Variants in MYO18B observed in about 807,000 individuals in gnomAD.
MYO18B encodes the protein unconventional myosin-XVIIIb.
MYO18B carries 204 observed loss-of-function variants against 273.0 expected under a neutral mutation model. That is an observed-to-expected ratio of 0.75 (90% CI 0.67 to 0.84). The LOEUF is 0.84. Among genes scored for constraint, MYO18B ranks in the 40% least tolerant of loss-of-function variants. The probability of loss-of-function intolerance (pLI) is 0.00; values close to 1 mark genes in which losing one functional copy is unlikely to be tolerated. For synonymous variants in MYO18B, 1,330 were observed against 1,305.7 expected (o/e 1.02, Z -0.40); for missense variants, 3,212 against 3,287.6 (o/e 0.98, Z 0.56).
chr22:25,785,883 A>G (rs1167455068), intron 11 of MYO18B, among the ~76,000 whole-genome samples: 2 of 152,100 alleles, frequency 1.3e-5, no homozygotes, highest in Non-Finnish European at 2.9e-5. Context: ...AAATGACATG[A>G]TGTGTATAAC....
intron 34 of MYO18B, among the ~76,000 whole-genome samples, chr22:25,932,339 T>A (rs1351145861): frequency 1.3e-5 from 2 of 151,984 alleles, no homozygotes; most frequent in African/African-American, 4.8e-5. Context: ...ATAAAAATCC[T>A]TCCTTCCTTC....
intron 33 of MYO18B, among the ~76,000 whole-genome samples, 186 bp from the exon 34 acceptor site, chr22:25,921,071 G>T (rs1173401626): frequency 1.3e-5 from 2 of 152,240 alleles, no homozygotes; most frequent in African/African-American, 4.8e-5. Flanking sequence ...GCAGCCCAAT[G>T]TGGTTGGTGC....
intron 34 of MYO18B, among the ~76,000 whole-genome samples, chr22:25,924,431 G>A (rs2092391817): frequency 6.6e-6 from 1 of 152,338 alleles, no homozygotes; most frequent in African/African-American, 2.4e-5. Context: ...TGAGACAGCG[G>A]TGGTACCCAC....
intron 34 of MYO18B, among the ~76,000 whole-genome samples, chr22:25,936,689 T>C (rs2146532602): frequency 6.6e-6 from 1 of 152,352 alleles, no homozygotes; most frequent in South Asian, 2.1e-4. Flanking sequence ...TTATTTATTA[T>C]AGTTCTGGAG....
rs985274172 is a variant in MYO18B, at chr22:26,030,738, C to T, written c.*308C>T. 7.6e-6 allele frequency: 3 copies of T among 392,176 alleles called. No individual in the cohort carries two copies. The highest frequency in any genetic ancestry group is 6.2e-5 in the African/African-American group (3 of 48,500). The allele number at this position is 392,176 out of a possible 1,614,324, so 24.3% of individuals were successfully genotyped here. A position where few individuals can be genotyped will look rare whatever the true frequency, so the allele number is the denominator to read the frequency against. ...ACTGTTAGAATAGAACCAACCCAAA[C>T]TGTGTGTAGTTTGGGGTGTATACTT... On this transcript the variant is annotated 3_prime_UTR_variant, in exon 44 of 44. Transcript: ENST00000335473.
intron 1 of MYO18B, among the ~76,000 whole-genome samples, chr22:25,746,812 A>C (rs755915593): frequency 1.3e-5 from 2 of 152,242 alleles, no homozygotes; most frequent in African/African-American, 2.4e-5. Flanking sequence ...GTAGCAACAC[A>C]GTAGTGGATA....
chr22:25,753,862 C>T (rs1002938373), intron 1 of MYO18B, among the ~76,000 whole-genome samples: 1 of 152,234 alleles, frequency 6.6e-6, no homozygotes, highest in African/African-American at 2.4e-5. Context: ...ACTGTTAACA[C>T]TCACTGCGAG....
chr22:25,992,863 T>C (rs1018310504), intron 40 of MYO18B, among the ~76,000 whole-genome samples: 1 of 152,238 alleles, frequency 6.6e-6, no homozygotes, highest in Non-Finnish European at 1.5e-5. Context: ...ATTGGACTAT[T>C]TTTGACCTAC....
In MYO18B at chr22:26,026,665, C is replaced by T. The variant is rs561391783; in HGVS notation, c.6691C>T (p.Arg2231Trp). 36 of 1,613,838 alleles carry T rather than the reference C, an allele frequency of 2.2e-5. No homozygotes were observed. Among genetic ancestry groups the T allele is most frequent in the Middle Eastern group, 1.6e-4 (1 of 6,062 alleles). The part of the protein sequence containing the change: ...LEPASSPLAS[R>W]STNTSPLSRE... ...ACCTGCTTCCTCTCCCCTGGCTTCT[C>T]GGAGTACAAATACATCCCCGCTGTC... Residue 2231 changes from arginine to tryptophan, a missense_variant, in exon 43 of 44, where the codon CGG becomes TGG. Physicochemically the swap from Arg to Trp is moderately radical, Grantham distance 101 (BLOSUM62 -3). Transcript: ENST00000335473.
At chr22:25,873,950 G>A (rs2091119264) in intron 22 of MYO18B, among the ~76,000 whole-genome samples, 1 of 152,236 alleles carries the variant, frequency 6.6e-6, no homozygotes, top group Non-Finnish European at 1.5e-5. Context: ...AACGTGCACA[G>A]GAATCCCCGG....
chr22:25,804,047 G>C (rs2088347594), intron 12 of MYO18B, among the ~76,000 whole-genome samples: 1 of 150,830 alleles, frequency 6.6e-6, no homozygotes, highest in Admixed American at 6.6e-5. Context: ...GGAATCTTCT[G>C]TATTCGTGAG....
intron 34 of MYO18B, among the ~76,000 whole-genome samples, chr22:25,926,841 C>T (rs1334825978): frequency 1.3e-5 from 2 of 152,152 alleles, no homozygotes; most frequent in African/African-American, 4.8e-5. Context: ...AATGGAGGGA[C>T]CAGCTGAAGC....
At chr22:25,876,467 C>G (rs1473861155) in intron 24 of MYO18B, 135 bp downstream of exon 24, 1 of 946,894 alleles carries the variant, frequency 1.1e-6, no homozygotes, top group African/African-American at 1.7e-5. Context: ...GCCTTGATGC[C>G]CCTTCCAGAT....
intron 28 of MYO18B, chr22:25,897,559 A>G (rs2091836341): frequency 6.6e-6 from 1 of 152,260 alleles, no homozygotes; most frequent in Non-Finnish European, 1.5e-5. Flanking sequence ...TACATTAAAA[A>G]GTAATAAAAC....
chr22:25,826,331 CCCT>C, intron 13 of MYO18B, 75 bp from the exon 14 acceptor site: 1 of 1,014,296 alleles, frequency 9.9e-7, no homozygotes, highest in Non-Finnish European at 1.5e-6. Flanking sequence ...ATTGAGTGGT[CCCT>C]ACTGCTCTGC....
chr22:26,055,958 G>T, the MYO18B span, among the ~76,000 whole-genome samples: 2 of 151,950 alleles, frequency 1.3e-5, no homozygotes, highest in South Asian at 4.2e-4. Context: ...CTTAGGAAAA[G>T]CAAAGCAAAA....
chr22:25,821,643 G>A (rs2089286136), intron 12 of MYO18B, among the ~76,000 whole-genome samples: 1 of 152,094 alleles, frequency 6.6e-6, no homozygotes, highest in Non-Finnish European at 1.5e-5. Context: ...TGGGCGTGGT[G>A]GTGGGTGCCT....
intron 8 of MYO18B, 141 bp downstream of exon 8, chr22:25,777,922 G>A (rs552932922): frequency 6.9e-6 from 5 of 720,010 alleles, no homozygotes; most frequent in African/African-American, 3.6e-5. Context: ...TTGCTACTGG[G>A]CAGGGCTATC....
downstream of MYO18B, among the ~76,000 whole-genome samples, chr22:26,032,623 G>A (rs1251791910): frequency 1.3e-5 from 2 of 149,002 alleles, no homozygotes; most frequent in African/African-American, 2.5e-5. Context: ...CCGGGTTCAA[G>A]CAATTCTCTT....
Sources: gnomAD v4.1 joint callset for allele counts (sites outside exome capture counted in the v4.1 genomes callset) on GRCh38, gnomAD v4.1.1 for gene constraint, MANE v1.5 for transcripts, NCBI Gene and HGNC (gene_info 2026-07-23, HGNC 2026-07-21) for gene names.